The following GRIK2 variants were observed in gnomAD, a reference collection of about 807,000 sequenced individuals.
GRIK2 encodes glutamate ionotropic receptor kainate type subunit 2, also known as glutamate receptor ionotropic, kainate 2.
Under a neutral mutation model 100.3 loss-of-function variants are expected in GRIK2, and 32 were observed. That is an observed-to-expected ratio of 0.32 (90% confidence interval 0.24 to 0.43). The LOEUF (loss-of-function observed/expected upper bound fraction) is 0.43, where lower values mean the gene tolerates loss of function less well. Among genes scored for constraint, GRIK2 ranks in the 20% least tolerant of loss-of-function variants. The pLI, the probability that GRIK2 is intolerant of heterozygous loss-of-function variation, is 1.00. For synonymous variants in GRIK2, 417 were observed against 389.4 expected (o/e 1.07, Z -0.83); for missense variants, 843 against 1,114.9 (o/e 0.76, Z 3.47).
intron 14 of GRIK2, among the ~76,000 whole-genome samples, chr6:101,991,209 T>C (rs970384304): frequency 8.6e-5 from 13 of 151,898 alleles, no homozygotes; most frequent in African/African-American, 2.9e-4. Flanking sequence ...ATTGAGACTT[T>C]ATCGTATGCC....
chr6:101,876,514 C>T (rs938785738), intron 11 of GRIK2, among the ~76,000 whole-genome samples: 2 of 151,298 alleles, frequency 1.3e-5, no homozygotes, highest in African/African-American at 4.9e-5. Flanking sequence ...CACACACACA[C>T]ACACAAAACC....
chr6:101,906,165 C>T (rs997929852), intron 12 of GRIK2, among the ~76,000 whole-genome samples: 10 of 151,474 alleles, frequency 6.6e-5, no homozygotes, highest in African/African-American at 2.4e-4. Context: ...GTACAAAAAG[C>T]TAGAAAATAA....
intron 9 of GRIK2, among the ~76,000 whole-genome samples, chr6:101,805,690 C>T (rs1780958866): frequency 6.6e-6 from 1 of 151,880 alleles, no homozygotes; most frequent in African/African-American, 2.4e-5. Flanking sequence ...TAAATAGACT[C>T]ATTAGACTTA....
chr6:101,473,295 AG>A (rs1241124454), intron 2 of GRIK2, among the ~76,000 whole-genome samples: 1 of 151,470 alleles, frequency 6.6e-6, no homozygotes, highest in Non-Finnish European at 1.5e-5. Flanking sequence ...TTTAGCTTTG[AG>A]GTAGTATTTA....
chr6:102,017,316 T>C (rs972197117), intron 14 of GRIK2, among the ~76,000 whole-genome samples: 44 of 152,106 alleles, frequency 2.9e-4, no homozygotes, highest in African/African-American at 1.0e-3. Flanking sequence ...CCATCAGGTT[T>C]TGTGAGAACT....
chr6:101,924,571 A>C (rs1470107512), intron 12 of GRIK2, 30 bp from the exon 13 acceptor site: 1 of 1,115,422 alleles, frequency 9.0e-7, no homozygotes, highest in Non-Finnish European at 1.4e-6. Flanking sequence ...TGCAATTTAA[A>C]TGTATTCTTT....
chr6:101,486,861 G>T (rs1429330125), intron 2 of GRIK2, among the ~76,000 whole-genome samples: 1 of 146,856 alleles, frequency 6.8e-6, no homozygotes, highest in Non-Finnish European at 1.5e-5. Context: ...GTCCTGACAA[G>T]AATGTAGTTA....
chr6:102,047,141 C>T (rs1392469704), intron 15 of GRIK2, among the ~76,000 whole-genome samples: 1 of 151,916 alleles, frequency 6.6e-6, no homozygotes, highest in African/African-American at 2.4e-5. Context: ...GACATTATGC[C>T]TCAAGGAGCT....
intron 14 of GRIK2, among the ~76,000 whole-genome samples, chr6:102,017,467 G>T (rs1274609930): frequency 6.6e-6 from 1 of 152,014 alleles, no homozygotes; most frequent in African/African-American, 2.4e-5. Flanking sequence ...CATATCAATT[G>T]CATATGATAT....
intron 10 of GRIK2, among the ~76,000 whole-genome samples, chr6:101,845,028 T>TGTTGTC (rs1783728269): frequency 6.6e-6 from 1 of 151,782 alleles, no homozygotes; most frequent in African/African-American, 2.4e-5. Context: ...TTGTTGTTGT[T>TGTTGTC]GTCGTTTTGA....
chr6:101,525,098 C>A (rs1328439169), intron 2 of GRIK2, among the ~76,000 whole-genome samples: 1 of 152,008 alleles, frequency 6.6e-6, no homozygotes, highest in Non-Finnish European at 1.5e-5. Context: ...GAGTTTTTGT[C>A]TATATGATAC....
At chr6:102,027,345 T>C (rs1769757780) in intron 14 of GRIK2, among the ~76,000 whole-genome samples, 1 of 151,126 alleles carries the variant, frequency 6.6e-6, no homozygotes, top group Admixed American at 6.6e-5. Flanking sequence ...CCAGATTATT[T>C]AGGAGGTAAA....
intron 4 of GRIK2, among the ~76,000 whole-genome samples, chr6:101,668,579 AAGAT>A (rs1013595364): frequency 3.9e-5 from 6 of 152,174 alleles, no homozygotes; most frequent in African/African-American, 7.2e-5. Context: ...TGAAAAAAAA[AAGAT>A]GATGATGAAA....
intron 4 of GRIK2, among the ~76,000 whole-genome samples, chr6:101,628,463 C>A (rs1780562385): frequency 6.6e-6 from 1 of 151,834 alleles, no homozygotes; most frequent in African/African-American, 2.4e-5. Flanking sequence ...TCAAATTAAA[C>A]CTATTAAATT....
chr6:101,944,137 C>T (rs1395403913), intron 14 of GRIK2, among the ~76,000 whole-genome samples: 1 of 152,150 alleles, frequency 6.6e-6, no homozygotes, highest in Non-Finnish European at 1.5e-5. Flanking sequence ...TTCTCTCTCT[C>T]CTGCTACCAT....
chr6:101,820,917 AT>A (rs1376199079), intron 10 of GRIK2, among the ~76,000 whole-genome samples: 1 of 152,106 alleles, frequency 6.6e-6, no homozygotes, highest in Non-Finnish European at 1.5e-5. Flanking sequence ...TGGCATTATC[AT>A]TTTTTTAATT....
At chr6:101,869,781 T>G (rs536117721) in intron 11 of GRIK2, among the ~76,000 whole-genome samples, 47 of 151,980 alleles carry the variant, frequency 3.1e-4, no homozygotes, top group African/African-American at 1.0e-3. Flanking sequence ...CCCTTGCTTC[T>G]GAAAGAGTTT....
At chr6:101,931,463 A>G (rs1790280949) in intron 14 of GRIK2, among the ~76,000 whole-genome samples, 1 of 152,152 alleles carries the variant, frequency 6.6e-6, no homozygotes, top group Non-Finnish European at 1.5e-5. Context: ...AAAACGATAC[A>G]GTTTTGTTAC....
intron 15 of GRIK2, among the ~76,000 whole-genome samples, chr6:102,036,029 A>C (rs2518146): frequency 0.35 from 53,385 of 151,080 alleles, 9,965 homozygotes; most frequent in African/African-American, 0.49. Flanking sequence ...GTAGAAATAG[A>C]AGACTATTTA....
Sources: allele counts gnomAD v4.1 joint callset (sites outside exome capture counted in the v4.1 genomes callset), GRCh38; gene constraint gnomAD v4.1.1; transcripts MANE v1.5; gene names NCBI Gene and HGNC (gene_info 2026-07-23, HGNC 2026-07-21).